Variants in RORB observed in about 807,000 individuals in gnomAD.
RORB encodes nuclear receptor ROR-beta.
A neutral mutation model predicts 59.1 loss-of-function variants in RORB; 6 were observed. That is an observed-to-expected ratio of 0.10 (90% CI 0.06 to 0.20). The LOEUF (loss-of-function observed/expected upper bound fraction) is 0.20, where lower values mean the gene tolerates loss of function less well. RORB is among the 10% of genes least tolerant of loss of function. The pLI is 1.00. For missense variants in RORB, 320 were observed against 560.5 expected (o/e 0.57, Z 4.33); for synonymous variants, 215 against 204.5 (o/e 1.05, Z -0.44).
intron 1 of RORB, among the ~76,000 whole-genome samples, chr9:74,523,708 C>T (rs1398986986): frequency 1.3e-5 from 2 of 151,944 alleles, no homozygotes; most frequent in Non-Finnish European, 1.5e-5. Flanking sequence ...CTAGCTTTAA[C>T]TAAACTCTTT....
intron 4 of RORB, among the ~76,000 whole-genome samples, chr9:74,650,919 G>T (rs1433144970): frequency 6.6e-6 from 1 of 152,200 alleles, no homozygotes; most frequent in African/African-American, 2.4e-5. Context: ...AAAGGGTGGT[G>T]AGGTGGGGGA....
intron 4 of RORB, among the ~76,000 whole-genome samples, chr9:74,649,424 C>A (rs1317741106): frequency 2.0e-5 from 3 of 152,180 alleles, no homozygotes; most frequent in East Asian, 1.9e-4. Flanking sequence ...AAAAGGAATT[C>A]TCCCAGTTTG....
At chr9:74,565,711 C>T (rs992509397) in intron 1 of RORB, among the ~76,000 whole-genome samples, 1 of 152,094 alleles carries the variant, frequency 6.6e-6, no homozygotes, top group Admixed American at 6.5e-5. Flanking sequence ...CTTTTTCATA[C>T]ATTTTTATTT....
intron 1 of RORB, chr9:74,615,629 T>C: frequency 4.4e-6 from 2 of 454,500 alleles, no homozygotes; most frequent in South Asian, 3.1e-5. Context: ...AAACTAAAGC[T>C]GACGCCACTG....
At chr9:74,587,260 G>A (rs1052681841) in intron 1 of RORB, among the ~76,000 whole-genome samples, 5 of 152,146 alleles carry the variant, frequency 3.3e-5, no homozygotes, top group South Asian at 2.1e-4. Flanking sequence ...TTTCCTAACC[G>A]TCTCCCAGTG....
At chr9:74,511,546 C>T (rs925061832) in intron 1 of RORB, among the ~76,000 whole-genome samples, 4 of 150,486 alleles carry the variant, frequency 2.7e-5, no homozygotes, top group Admixed American at 6.6e-5. Flanking sequence ...GCACATAAGG[C>T]GGCTAGGGCA....
chr9:74,502,632 TTAG>T (rs970088426), intron 1 of RORB, among the ~76,000 whole-genome samples: 5 of 152,084 alleles, frequency 3.3e-5, no homozygotes, highest in Non-Finnish European at 5.9e-5. Context: ...TTAAAAATTA[TTAG>T]TTAAAAATTA....
chr9:74,629,039 T>A (rs1333954257), intron 1 of RORB, among the ~76,000 whole-genome samples: 1 of 152,146 alleles, frequency 6.6e-6, no homozygotes, highest in Non-Finnish European at 1.5e-5. Flanking sequence ...TACTACCTTA[T>A]CTCAGCCTCT....
At chr9:74,626,641 C>T (rs1456814127) in intron 1 of RORB, among the ~76,000 whole-genome samples, 1 of 152,150 alleles carries the variant, frequency 6.6e-6, no homozygotes, top group East Asian at 1.9e-4. Context: ...CTATAACCTT[C>T]ATTGTAACAG....
intron 1 of RORB, among the ~76,000 whole-genome samples, chr9:74,567,995 C>A (rs551372514): frequency 6.6e-6 from 1 of 152,282 alleles, no homozygotes; most frequent in East Asian, 1.9e-4. Context: ...TATATGTGTT[C>A]ATTAACCGCA....
At chr9:74,685,300 G>T (rs1367407652) in intron 9 of RORB, among the ~76,000 whole-genome samples, 163 bp from the exon 10 acceptor site, 1 of 151,954 alleles carries the variant, frequency 6.6e-6, no homozygotes, top group Non-Finnish European at 1.5e-5. Context: ...GTTTTATTTT[G>T]TTTTGTTGTA....
At chr9:74,612,275 G>T (rs1823241988) in intron 1 of RORB, among the ~76,000 whole-genome samples, 1 of 152,122 alleles carries the variant, frequency 6.6e-6, no homozygotes, top group African/African-American at 2.4e-5. Flanking sequence ...TTAAAAGGCA[G>T]AGAAGTGAGG....
rs558749318 is a variant in RORB at position 74,667,660 on chromosome 9, C to G, written c.1001-131C>G. On this transcript the variant is annotated intron_variant, in intron 7 of 9. Transcript: ENST00000376896. ...TCAAATCACTTTTTATAATTAGAAACTTAAAAAAATATCTTTTCTAGAAGT... is the reference window on the plus strand; with the variant it reads ...TCAAATCACTTTTTATAATTAGAAAGTTAAAAAAATATCTTTTCTAGAAGT... 26 of 571,978 alleles carry G rather than the reference C, an allele frequency of 4.5e-5. No individual in the cohort carries two copies. In the South Asian group the frequency reaches 4.8e-4, roughly 11 times the overall value. 35.4% of individuals were successfully genotyped at this position (571,978 alleles called of 1,614,324 possible).
In RORB at chr9:74,657,468, C is replaced by T. The variant is rs191905143; in HGVS notation, c.638-3149C>T. 3.4e-3 allele frequency among the ~76,000 whole-genome samples: 513 copies of T among 152,212 alleles called. 6 individuals are homozygous for T. The highest frequency in any genetic ancestry group is 0.012 in the African/African-American group (496 of 41,518). On this transcript the variant is annotated intron_variant, in intron 4 of 9. Coordinates refer to ENST00000376896, the MANE Select transcript of RORB (RefSeq NM_006914.4). ...TATAAGATGTAATGTCAGAAATTAC[C>T]TAGCCTACAGCTAGCTTTCTATCTG... is the stretch of plus-strand genomic sequence containing the variant.
intron 1 of RORB, among the ~76,000 whole-genome samples, chr9:74,544,348 CCACAGGATGT>C (rs1222610851): frequency 6.6e-6 from 1 of 152,172 alleles, no homozygotes; most frequent in Non-Finnish European, 1.5e-5. Flanking sequence ...TTTCCAGAGA[CCACAGGATGT>C]CTATGCACAA....
intron 1 of RORB, among the ~76,000 whole-genome samples, chr9:74,564,005 T>G (rs1017620112): frequency 3.3e-5 from 5 of 152,216 alleles, no homozygotes; most frequent in African/African-American, 1.2e-4. Context: ...AAATGGAGAA[T>G]AGCCACTGCA....
chr9:74,631,309 C>G (rs1037254205), intron 2 of RORB, among the ~76,000 whole-genome samples: 1 of 152,152 alleles, frequency 6.6e-6, no homozygotes, highest in African/African-American at 2.4e-5. Context: ...GTAACCAGAA[C>G]AAATAAAATG....
chr9:74,542,061 C>T (rs1269629222), intron 1 of RORB, among the ~76,000 whole-genome samples: 1 of 151,896 alleles, frequency 6.6e-6, no homozygotes, highest in Non-Finnish European at 1.5e-5. Context: ...TATCTTGAAG[C>T]AAATGCAATC....
intron 9 of RORB, 120 bp from the exon 10 acceptor site, chr9:74,685,343 C>A: frequency 1.3e-6 from 1 of 787,758 alleles, no homozygotes; most frequent in South Asian, 3.2e-5. Context: ...TTCTTTCTTT[C>A]TGAACATCTT....
Sources: allele counts gnomAD v4.1 joint callset (sites outside exome capture counted in the v4.1 genomes callset), GRCh38; gene constraint gnomAD v4.1.1; transcripts MANE v1.5; gene names NCBI Gene and HGNC (gene_info 2026-07-23, HGNC 2026-07-21).